Variants in YEATS4 observed in about 807,000 individuals in gnomAD.
YEATS4 encodes the protein YEATS domain containing 4.
In YEATS4, 17 loss-of-function variants were observed where a neutral mutation model predicts 30.1. That is an observed-to-expected ratio of 0.56 (90% CI 0.39 to 0.85). YEATS4 has a LOEUF of 0.85. Ranked by LOEUF, YEATS4 falls within the 40% of genes least tolerant of loss-of-function variation. The pLI is 0.00. For synonymous variants in YEATS4, 85 were observed against 87.5 expected, an observed-to-expected ratio of 0.97 and a Z score of 0.16; for missense variants, 142 against 268.3, an observed-to-expected ratio of 0.53 and a Z score of 3.29.
downstream of YEATS4, among the ~76,000 whole-genome samples, chr12:69,393,961 A>G (rs181999808): frequency 4.5e-4 from 68 of 152,336 alleles, no homozygotes; most frequent in African/African-American, 1.4e-3. Flanking sequence ...GTAGCTTCCA[A>G]TTGCATGGTT....
At chr12:69,412,700 A>G in the YEATS4 span, among the ~76,000 whole-genome samples, 6 of 152,168 alleles carry the variant, frequency 3.9e-5, no homozygotes, top group South Asian at 1.2e-3. Context: ...AGGCGAGGAA[A>G]GTCAAACACT....
At chr12:69,418,954 A>G in the YEATS4 span, among the ~76,000 whole-genome samples, 1 of 150,006 alleles carries the variant, frequency 6.7e-6, no homozygotes, top group South Asian at 2.1e-4. Flanking sequence ...ATAAATATAT[A>G]TGTACTAAAT....
At chr12:69,422,703 C>A in the YEATS4 span, 1 of 149,046 alleles carries the variant, frequency 6.7e-6, no homozygotes, top group Non-Finnish European at 1.5e-5. Context: ...AGGGCCAAGG[C>A]CACACACAGC....
chr12:69,372,552 T>TTTTTTTTG, intron 6 of YEATS4, among the ~76,000 whole-genome samples: 1 of 150,598 alleles, frequency 6.6e-6, no homozygotes, highest in Non-Finnish European at 1.5e-5. Flanking sequence ...TTTTTTTTTT[T>TTTTTTTTG]GAGACAGAGC....
At chr12:69,421,511 C>T in the YEATS4 span, among the ~76,000 whole-genome samples, 2 of 152,060 alleles carry the variant, frequency 1.3e-5, no homozygotes, top group African/African-American at 2.4e-5. Flanking sequence ...GAACCAGGAA[C>T]ATAAGGTCTA....
chr12:69,416,347 C>T, the YEATS4 span, among the ~76,000 whole-genome samples: 1 of 152,306 alleles, frequency 6.6e-6, no homozygotes, highest in East Asian at 1.9e-4. Context: ...GAAATTCTCC[C>T]AAATTCTATG....
the YEATS4 span, among the ~76,000 whole-genome samples, chr12:69,412,311 C>A: frequency 6.6e-6 from 1 of 152,100 alleles, no homozygotes; most frequent in East Asian, 1.9e-4. Flanking sequence ...TCTCTCTGAA[C>A]CTGAACCTTA....
At chr12:69,419,445 C>G in the YEATS4 span, among the ~76,000 whole-genome samples, 1 of 151,960 alleles carries the variant, frequency 6.6e-6, no homozygotes, top group Non-Finnish European at 1.5e-5. Context: ...TGGTCTTGAA[C>G]TCGTAGTCTC....
chr12:69,411,544 A>T, the YEATS4 span, among the ~76,000 whole-genome samples: 1 of 152,202 alleles, frequency 6.6e-6, no homozygotes, highest in Admixed American at 6.5e-5. Flanking sequence ...GCATAATAAT[A>T]AATTAATTAA....
intron 4 of YEATS4, among the ~76,000 whole-genome samples, chr12:69,369,878 T>C (rs1037101859): frequency 2.0e-4 from 30 of 152,286 alleles, no homozygotes; most frequent in Non-Finnish European, 3.7e-4. Context: ...AATCTGACAT[T>C]CTGTTAATTG....
chr12:69,401,843 T>A, the YEATS4 span, among the ~76,000 whole-genome samples: 1 of 152,184 alleles, frequency 6.6e-6, no homozygotes, highest in South Asian at 2.1e-4. Flanking sequence ...TGAAATTGCC[T>A]GCCAGCAAGT....
At chr12:69,422,495 G>A in the YEATS4 span, among the ~76,000 whole-genome samples, 1 of 152,074 alleles carries the variant, frequency 6.6e-6, no homozygotes, top group African/African-American at 2.4e-5. Context: ...GCTGGCTGTG[G>A]TGGCGCATGC....
the YEATS4 span, among the ~76,000 whole-genome samples, chr12:69,405,912 T>C: frequency 6.6e-6 from 1 of 152,356 alleles, no homozygotes; most frequent in East Asian, 1.9e-4. Context: ...TTATCTGATA[T>C]GAGTTTTGTG....
intron 1 of YEATS4, among the ~76,000 whole-genome samples, chr12:69,360,746 A>G (rs939018264): frequency 3.0e-4 from 46 of 150,894 alleles, no homozygotes; most frequent in Non-Finnish European, 6.6e-4. Flanking sequence ...GCTCACTGCA[A>G]CCTCGGCCTC....
intron 4 of YEATS4, among the ~76,000 whole-genome samples, chr12:69,369,278 G>A (rs1875554695): frequency 6.6e-6 from 1 of 152,058 alleles, no homozygotes; most frequent in Admixed American, 6.6e-5. Context: ...TTGATTATAG[G>A]TGATCCTTTT....
At chr12:69,419,287 C>T in the YEATS4 span, among the ~76,000 whole-genome samples, 24 of 145,280 alleles carry the variant, frequency 1.7e-4, no homozygotes, top group African/African-American at 6.1e-4. Context: ...GTGGTGCGAT[C>T]ATGACCCACT....
chr12:69,360,092 G>C, intron 1 of YEATS4, 69 bp downstream of exon 1: 1 of 1,557,140 alleles, frequency 6.4e-7, no homozygotes, highest in Non-Finnish European at 8.8e-7. Flanking sequence ...GCGGCGCGGG[G>C]AGGGCCCACT....
chr12:69,426,055 C>T, the YEATS4 span, among the ~76,000 whole-genome samples: 4 of 152,040 alleles, frequency 2.6e-5, no homozygotes. Context: ...ATCAACTTAG[C>T]GAGACCCTGT....
chr12:69,364,760 C>T (rs1875363224), intron 2 of YEATS4, among the ~76,000 whole-genome samples: 1 of 152,066 alleles, frequency 6.6e-6, no homozygotes, highest in East Asian at 1.9e-4. Context: ...GCTGGGATTA[C>T]AGGCGCCGCC....
Sources: gnomAD v4.1 joint callset for allele counts (sites outside exome capture counted in the v4.1 genomes callset) on GRCh38, gnomAD v4.1.1 for gene constraint, MANE v1.5 for transcripts, NCBI Gene and HGNC (gene_info 2026-07-23, HGNC 2026-07-21) for gene names.